The following FSTL5 variants were observed in gnomAD, a reference collection of about 807,000 sequenced individuals.
The protein encoded by FSTL5 is follistatin-related protein 5.
FSTL5 carries 62 observed loss-of-function variants against 89.1 expected under a neutral mutation model. The ratio of observed to expected loss-of-function variants is 0.70; its 90% CI spans 0.57 to 0.86. The LOEUF (loss-of-function observed/expected upper bound fraction) is 0.86, where lower values mean the gene tolerates loss of function less well. Among genes scored for constraint, FSTL5 ranks in the 40% least tolerant of loss-of-function variants. FSTL5 has a pLI of 0.00. For synonymous variants in FSTL5, 383 were observed against 346.2 expected (o/e 1.11, Z -1.18); for missense variants, 1,057 against 1,001.6 (o/e 1.06, Z -0.75).
intron 7 of FSTL5, among the ~76,000 whole-genome samples, chr4:161,601,326 T>A (rs9308033): frequency 7.7e-6 from 1 of 129,084 alleles, no homozygotes; most frequent in Non-Finnish European, 1.6e-5. Context: ...TCTTAAATAG[T>A]TGGAAAAAAA....
chr4:162,116,789 C>T (rs1432945095), intron 1 of FSTL5, among the ~76,000 whole-genome samples: 1 of 152,186 alleles, frequency 6.6e-6, no homozygotes, highest in African/African-American at 2.4e-5. Flanking sequence ...GCCTCCTAGC[C>T]TTACTTACCC....
chr4:161,641,936 C>T (rs78264087), intron 7 of FSTL5, among the ~76,000 whole-genome samples: 7,556 of 151,994 alleles, frequency 0.05, 604 homozygotes, highest in African/African-American at 0.17. Context: ...GACATAGTTA[C>T]GCAAGAAATG....
chr4:161,398,968 C>T (rs527494468), intron 15 of FSTL5, among the ~76,000 whole-genome samples: 31 of 152,030 alleles, frequency 2.0e-4, no homozygotes, highest in African/African-American at 7.2e-4. Context: ...ATGATATAGC[C>T]ACTTGGTGCA....
Position 161,778,469 on chromosome 4 carries a change from T to C in FSTL5, c.410-2395A>G, listed in dbSNP as rs1579085428. On this transcript the variant is annotated intron_variant, in intron 4 of 15. Coordinates refer to ENST00000306100, the MANE Select transcript of FSTL5 (RefSeq NM_020116.5). Reference sequence around the variant, plus strand: ...TATTTAAATATGTGTCTGAGAAGCATGGGGCTGCAAAACAATATCTGAATC... The same window carrying C: ...TATTTAAATATGTGTCTGAGAAGCACGGGGCTGCAAAACAATATCTGAATC... 4.6e-5 allele frequency among the ~76,000 whole-genome samples: 7 copies of C among 152,290 alleles called. No individual in the cohort carries two copies. In the South Asian group the frequency reaches 1.2e-3, roughly 27 times the overall value.
intron 2 of FSTL5, among the ~76,000 whole-genome samples, chr4:162,106,028 A>G (rs189078528): frequency 6.4e-4 from 97 of 152,252 alleles, no homozygotes; most frequent in African/African-American, 2.2e-3. Flanking sequence ...TCACCAATCC[A>G]CATCTATCAC....
intron 15 of FSTL5, among the ~76,000 whole-genome samples, chr4:161,453,942 T>C (rs1321802428): frequency 1.3e-5 from 2 of 152,120 alleles, no homozygotes; most frequent in African/African-American, 4.8e-5. Flanking sequence ...ATAATAGGCA[T>C]TCTGAAAATA....
chr4:162,145,259 T>G (rs972030277), intron 1 of FSTL5, among the ~76,000 whole-genome samples: 1 of 152,028 alleles, frequency 6.6e-6, no homozygotes, highest in East Asian at 1.9e-4. Context: ...CTCAACATGA[T>G]GAGCTTTAGG....
At chr4:161,405,905 G>A (rs1191597884) in intron 15 of FSTL5, among the ~76,000 whole-genome samples, 1 of 152,136 alleles carries the variant, frequency 6.6e-6, no homozygotes, top group Non-Finnish European at 1.5e-5. Flanking sequence ...GAAAAGATCT[G>A]TCAACCAAGA....
chr4:161,748,978 A>G (rs1342512317), intron 6 of FSTL5, among the ~76,000 whole-genome samples: 1 of 152,174 alleles, frequency 6.6e-6, no homozygotes, highest in Admixed American at 6.5e-5. Context: ...ACAATAAAAT[A>G]CCATCTTACA....
chr4:161,799,237 G>C (rs1446514684), intron 4 of FSTL5, among the ~76,000 whole-genome samples: 1 of 151,540 alleles, frequency 6.6e-6, no homozygotes, highest in East Asian at 1.9e-4. Context: ...ATAGCACATA[G>C]CTAGTTTGCC....
chr4:161,955,988 T>C (rs1434897574), intron 3 of FSTL5, among the ~76,000 whole-genome samples: 2 of 151,830 alleles, frequency 1.3e-5, no homozygotes, highest in Non-Finnish European at 2.9e-5. Flanking sequence ...AGTCCTGAGA[T>C]TGTAAGAATG....
intron 3 of FSTL5, among the ~76,000 whole-genome samples, chr4:161,948,387 T>A (rs925339579): frequency 2.0e-5 from 3 of 151,540 alleles, no homozygotes; most frequent in Admixed American, 2.0e-4. Flanking sequence ...ATAGTGCAAG[T>A]CAGGTGGAGA....
chr4:161,536,007 G>A (rs528518460), intron 10 of FSTL5, among the ~76,000 whole-genome samples: 1 of 152,188 alleles, frequency 6.6e-6, no homozygotes, highest in East Asian at 1.9e-4. Flanking sequence ...AATACCACAT[G>A]TTCTCACTTA....
At chr4:161,888,187 A>T (rs1031889781) in intron 4 of FSTL5, among the ~76,000 whole-genome samples, 1 of 152,096 alleles carries the variant, frequency 6.6e-6, no homozygotes, top group Non-Finnish European at 1.5e-5. Flanking sequence ...CCTCCCTTGA[A>T]GTTAGGTGTA....
chr4:162,070,131 T>C (rs1051919784), intron 2 of FSTL5, among the ~76,000 whole-genome samples: 3 of 151,792 alleles, frequency 2.0e-5, no homozygotes, highest in African/African-American at 7.2e-5. Flanking sequence ...GATGATAAGT[T>C]ACATCGGGGA....
chr4:161,435,125 T>C (rs1732515138), intron 15 of FSTL5, among the ~76,000 whole-genome samples: 1 of 152,156 alleles, frequency 6.6e-6, no homozygotes, highest in Non-Finnish European at 1.5e-5. Flanking sequence ...CCTACACTCC[T>C]ATGTTTTTTG....
chr4:162,065,549 G>C (rs1738866078), intron 2 of FSTL5, among the ~76,000 whole-genome samples: 1 of 151,858 alleles, frequency 6.6e-6, no homozygotes, highest in African/African-American at 2.4e-5. Flanking sequence ...AAAAAGACAA[G>C]AGGTAACACA....
intron 15 of FSTL5, among the ~76,000 whole-genome samples, chr4:161,412,508 G>A (rs563104777): frequency 1.3e-5 from 2 of 152,132 alleles, no homozygotes; most frequent in Non-Finnish European, 2.9e-5. Context: ...CGTGGGGTAG[G>A]GGGATAGGGG....
intron 2 of FSTL5, among the ~76,000 whole-genome samples, chr4:162,082,613 A>C (rs1730145012): frequency 6.6e-6 from 1 of 150,800 alleles, no homozygotes; most frequent in South Asian, 2.1e-4. Flanking sequence ...TTCTCACAGC[A>C]TTCACTAGGC....
Sources: gnomAD v4.1 joint callset for allele counts (sites outside exome capture counted in the v4.1 genomes callset) on GRCh38, gnomAD v4.1.1 for gene constraint, MANE v1.5 for transcripts, NCBI Gene and HGNC (gene_info 2026-07-23, HGNC 2026-07-21) for gene names.